LAPTM5: variants seen among roughly 807,000 people sequenced by gnomAD.
LAPTM5 encodes the protein lysosomal protein transmembrane 5.
In LAPTM5, 11 loss-of-function variants were observed where a neutral mutation model predicts 30.1. The observed-to-expected ratio is 0.37, with a 90% CI of 0.23 to 0.60. The LOEUF (loss-of-function observed/expected upper bound fraction) is 0.60. LAPTM5 is among the 20% of genes least tolerant of loss of function. The pLI is 0.71. For synonymous variants in LAPTM5, 151 were observed against 137.9 expected (o/e 1.10, Z -0.67); for missense variants, 324 against 332.5 (o/e 0.97, Z 0.20).
rs1225810639 is a variant in LAPTM5, at chr1:30,751,959, T to C, written c.87+5700A>G. Among the ~76,000 whole-genome samples, 2 of 152,158 alleles carry C rather than the reference T, an allele frequency of 1.3e-5. 1 individual carries two copies. The highest frequency in any genetic ancestry group is 4.8e-5 in the African/African-American group (2 of 41,426). On this transcript the variant is annotated intron_variant, in intron 1 of 7. Coordinates refer to ENST00000294507, the MANE Select transcript of LAPTM5 (RefSeq NM_006762.3). ...GGTAAGTAATGGAGATGGGCCTGTGTTCCTTTCAATCACAAATCACTGCCC... is the reference window on the plus strand; with the variant it reads ...GGTAAGTAATGGAGATGGGCCTGTGCTCCTTTCAATCACAAATCACTGCCC...
chr1:30,745,432 C>A (rs1188353), intron 1 of LAPTM5, among the ~76,000 whole-genome samples: 10,564 of 151,686 alleles, frequency 0.07, 543 homozygotes, highest in Admixed American at 0.17. Context: ...CCTCTGCAGT[C>A]CCCCCTCCCT....
At chr1:30,749,992 T>C (rs1377521393) in intron 1 of LAPTM5, among the ~76,000 whole-genome samples, 3 of 152,038 alleles carry the variant, frequency 2.0e-5, no homozygotes, top group African/African-American at 7.3e-5. Flanking sequence ...ATGCAAAACC[T>C]AGAGAACCTA....
intron 1 of LAPTM5, among the ~76,000 whole-genome samples, chr1:30,751,656 T>C (rs1266778889): frequency 6.6e-6 from 1 of 152,116 alleles, no homozygotes; most frequent in Admixed American, 6.5e-5. Context: ...CAAGAATCAC[T>C]TGAACCCGGG....
intron 1 of LAPTM5, 68 bp downstream of exon 1, chr1:30,757,591 C>T (rs1257008390): frequency 2.8e-5 from 42 of 1,507,028 alleles, no homozygotes; most frequent in Non-Finnish European, 3.5e-5. Context: ...CCGTAGATGA[C>T]GGGTCACCGC....
In LAPTM5 at chr1:30,735,034, C is replaced by T. The variant is rs191970330; in HGVS notation, c.699+139G>A. 29 of 683,474 alleles carry T rather than the reference C, an allele frequency of 4.2e-5. No homozygotes were observed. In the African/African-American group the frequency reaches 5.1e-4, roughly 12 times the overall value. The allele number at this position is 683,474 out of a possible 1,614,324, so 42.3% of individuals were successfully genotyped here. Reference sequence around the variant, plus strand: ...GTGAATGAATCTTAGACTACCAGAACTGAAAGAGAACACATTTCTTCTGTT... The same window carrying T: ...GTGAATGAATCTTAGACTACCAGAATTGAAAGAGAACACATTTCTTCTGTT... On this transcript the variant is annotated intron_variant, in intron 7 of 7. Transcript: ENST00000294507.
intron 5 of LAPTM5, 85 bp downstream of exon 5, chr1:30,738,854 TA>T: frequency 6.9e-7 from 1 of 1,446,506 alleles, no homozygotes; most frequent in Non-Finnish European, 9.4e-7. Context: ...GAACCTGGCC[TA>T]AACCACAGAC....
rs1347416394 is a variant in LAPTM5, at chr1:30,732,541, G to A, written c.*1287C>T. On this transcript the variant is annotated 3_prime_UTR_variant, in exon 8 of 8. Coordinates refer to ENST00000294507, the MANE Select transcript of LAPTM5 (RefSeq NM_006762.3). The stretch of plus-strand genomic sequence containing the variant: ...GCAATTACACAAGGGGGTATTGCCA[G>A]GGAGCTCTTGCAGAGCCTTCTCCCT... 2.6e-5 allele frequency: 4 copies of A among 151,536 alleles called. No individual in the cohort carries two copies. Among genetic ancestry groups the A allele is most frequent in the Non-Finnish European group, 5.9e-5 (4 of 67,862 alleles). The allele number at this position is 151,536 out of a possible 1,614,324, so 9.4% of individuals were successfully genotyped here.
Position 30,749,977 on chromosome 1 carries a change from G to A in LAPTM5, c.88-7428C>T, listed in dbSNP as rs772374354. Among the ~76,000 whole-genome samples, 80 of 152,130 alleles carry A rather than the reference G, an allele frequency of 5.3e-4. 5 individuals are homozygous for A. The highest frequency in any genetic ancestry group is 1.9e-4 in the East Asian group (1 of 5,190). ...GGAAAGAGCATGCAGGAGATGTGAC[G>A]GCTCATGCAAAACCTAGAGAACCTA... On this transcript the variant is annotated intron_variant, in intron 1 of 7. Transcript: ENST00000294507.
At position 30,742,517 on chromosome 1, in the gene LAPTM5, T is replaced by C. The variant is rs1050663; in HGVS notation, c.120A>G (p.Ser40=). The C allele has an allele frequency of 0.52, 830,254 of 1,612,044 alleles. 217,685 individuals are homozygous for C. Among genetic ancestry groups the C allele is most frequent in the East Asian group, 0.72 (32,174 of 44,840 alleles). The stretch of plus-strand genomic sequence containing the variant: ...ACGCCTTGCCATGGGCCACCTCTAC[T>C]GAGTGCTCGATGAACAACAAGACGC... The part of the protein sequence containing the change: ...IMSVLLFIEH[S]VEVAHGKASC... Residue 40 remains serine, a synonymous_variant, in exon 2 of 8, where the codon TCA becomes TCG. Coordinates refer to ENST00000294507, the MANE Select transcript of LAPTM5 (RefSeq NM_006762.3).
At chr1:30,741,222 G>A (rs991690150) in intron 3 of LAPTM5, among the ~76,000 whole-genome samples, 1 of 152,180 alleles carries the variant, frequency 6.6e-6, no homozygotes. Flanking sequence ...AGAGCTGCAT[G>A]CATCCTACTT....
In LAPTM5 at chr1:30,734,457, A is replaced by C. The variant is rs1639859010; in HGVS notation, c.700-540T>G. On this transcript the variant is annotated intron_variant, in intron 7 of 7. Coordinates refer to ENST00000294507, the MANE Select transcript of LAPTM5 (RefSeq NM_006762.3). ...GGAAAATGAAGCCAACATCAAGGAA[A>C]GTAGAGTCAAGAGTTGGAGAGGACG... Among the ~76,000 whole-genome samples the C allele has an allele frequency of 2.0e-5, 3 of 152,192 alleles. No homozygotes were observed. In the South Asian group the frequency reaches 6.2e-4, roughly 32 times the overall value.
chr1:30,742,263 T>A (rs1033205879), intron 2 of LAPTM5, 193 bp downstream of exon 2: 13 of 593,910 alleles, frequency 2.2e-5, no homozygotes, highest in Non-Finnish European at 3.6e-5. Flanking sequence ...CCTGCAGATG[T>A]GGGTGGGGTC....
At chr1:30,748,368 C>G (rs1040648857) in intron 1 of LAPTM5, among the ~76,000 whole-genome samples, 1 of 152,162 alleles carries the variant, frequency 6.6e-6, no homozygotes, top group African/African-American at 2.4e-5. Flanking sequence ...CCTTGCCCCT[C>G]CCCCTCAGGG....
At chr1:30,741,582 A>G in intron 3 of LAPTM5, 58 bp downstream of exon 3, 1 of 1,369,730 alleles carries the variant, frequency 7.3e-7, no homozygotes, top group Non-Finnish European at 1.0e-6. Context: ...ACTGCCCACC[A>G]CCAGTGGGTG....
chr1:30,752,852 G>A (rs1016017797), intron 1 of LAPTM5, among the ~76,000 whole-genome samples: 4 of 152,056 alleles, frequency 2.6e-5, no homozygotes, highest in African/African-American at 9.7e-5. Flanking sequence ...ACTCTGTCAG[G>A]CTAGAGCGCA....
chr1:30,737,566 C>A, intron 6 of LAPTM5, 38 bp downstream of exon 6: 1 of 1,508,666 alleles, frequency 6.6e-7, no homozygotes, highest in Non-Finnish European at 9.2e-7. Flanking sequence ...CACAGCCTCA[C>A]CACCCCTCCC....
In LAPTM5 at chr1:30,742,531, A is replaced by G; in HGVS notation, c.106T>C (p.Phe36Leu). Residue 36 changes from phenylalanine to leucine, a missense_variant, in exon 2 of 8, where the codon TTC becomes CTC. Physicochemically the swap from Phe to Leu is conservative, Grantham distance 22 (BLOSUM62 0). Coordinates refer to ENST00000294507, the MANE Select transcript of LAPTM5 (RefSeq NM_006762.3). The part of the protein sequence containing the change: ...IYHVIMSVLL[F>L]IEHSVEVAHG... The stretch of plus-strand genomic sequence containing the variant: ...GCCACCTCTACTGAGTGCTCGATGA[A>G]CAACAAGACGCTCATGATCTGGAGG... The G allele has an allele frequency of 6.2e-7, 1 of 1,613,564 alleles. No homozygotes were observed.
chr1:30,743,851 C>T (rs1444934919), intron 1 of LAPTM5, among the ~76,000 whole-genome samples: 1 of 145,910 alleles, frequency 6.9e-6, no homozygotes, highest in Non-Finnish European at 1.5e-5. Context: ...GTCTTCCTGC[C>T]ACATTACATC....
chr1:30,743,011 G>A (rs1639993032), intron 1 of LAPTM5, among the ~76,000 whole-genome samples: 2 of 152,128 alleles, frequency 1.3e-5, no homozygotes, highest in South Asian at 4.1e-4. Flanking sequence ...CAAGCTCTGG[G>A]GATCAGAGAG....
Sources: gnomAD v4.1 joint callset for allele counts (sites outside exome capture counted in the v4.1 genomes callset) on GRCh38, gnomAD v4.1.1 for gene constraint, MANE v1.5 for transcripts, NCBI Gene and HGNC (gene_info 2026-07-23, HGNC 2026-07-21) for gene names.